The following TOX3 variants were observed in gnomAD, a reference collection of about 807,000 sequenced individuals.
The protein encoded by TOX3 is TOX high mobility group box family member 3.
In TOX3, 22 loss-of-function variants were observed where a neutral mutation model predicts 64.3. The observed-to-expected ratio is 0.34, with a 90% confidence interval of 0.24 to 0.49. TOX3 has a LOEUF of 0.49. Ranked by LOEUF, TOX3 falls within the 20% of genes least tolerant of loss-of-function variation. The pLI, the probability that TOX3 is intolerant of heterozygous loss-of-function variation, is 0.99. For synonymous variants in TOX3, 291 were observed against 273.6 expected (o/e 1.06, Z -0.63); for missense variants, 661 against 714.4 (o/e 0.93, Z 0.85).
At chr16:52,498,908 T>C (rs1961926363) in intron 1 of TOX3, among the ~76,000 whole-genome samples, 1 of 152,194 alleles carries the variant, frequency 6.6e-6, no homozygotes, top group Non-Finnish European at 1.5e-5. Flanking sequence ...GTAGAAATGC[T>C]TTCCATTTCC....
intron 1 of TOX3, among the ~76,000 whole-genome samples, chr16:52,471,018 C>T (rs1200319586): frequency 6.6e-6 from 1 of 152,162 alleles, no homozygotes; most frequent in Non-Finnish European, 1.5e-5. Flanking sequence ...CTTTCTCCTG[C>T]ATAGGTACCT....
At chr16:52,515,156 GA>G in intron 1 of TOX3, among the ~76,000 whole-genome samples, 1 of 139,796 alleles carries the variant, frequency 7.2e-6, no homozygotes, top group Middle Eastern at 4.1e-3. Flanking sequence ...TTAAGCAAAT[GA>G]ATAACTTAAA....
chr16:52,506,037 A>G (rs1962154126), intron 1 of TOX3, among the ~76,000 whole-genome samples: 1 of 152,240 alleles, frequency 6.6e-6, no homozygotes, highest in East Asian at 1.9e-4. Flanking sequence ...TGAAAATTCA[A>G]TGATGAATTT....
rs183745522 is a variant in TOX3 at position 52,439,748 on chromosome 16, A to G, written c.1208T>C (p.Ile403Thr). The stretch of plus-strand genomic sequence containing the variant: ...AATGTTCGAGGGCATGTTGGCTGCA[A>G]TGGTGACTGATGTGACAATCTGGTT... ...PMNQIVTSVTIAANMPSNIGA... is the reference protein window; with the variant it reads ...PMNQIVTSVTTAANMPSNIGA... The change falls in exon 7 of 7, where the codon ATT becomes ACT. Residue 403 changes from isoleucine to threonine, a missense_variant. Transcript: ENST00000219746. The G allele has an allele frequency of 5.2e-5, 84 of 1,613,994 alleles. 1 individual carries two copies. The African/African-American group carries it at 8.9e-4, about 17-fold the overall frequency.
intron 1 of TOX3, among the ~76,000 whole-genome samples, chr16:52,546,065 A>C (rs1289183375): frequency 6.6e-6 from 1 of 152,162 alleles, no homozygotes; most frequent in Non-Finnish European, 1.5e-5. Context: ...CGAGGTCCAA[A>C]GTGCCCTAAC....
chr16:52,470,313 C>G (rs8046780), intron 1 of TOX3, among the ~76,000 whole-genome samples: 1 of 152,086 alleles, frequency 6.6e-6, no homozygotes, highest in Non-Finnish European at 1.5e-5. Context: ...ATGAGTATTC[C>G]GTGCACCAGT....
At chr16:52,484,018 G>C (rs1006339156) in intron 1 of TOX3, among the ~76,000 whole-genome samples, 7 of 152,132 alleles carry the variant, frequency 4.6e-5, no homozygotes, top group African/African-American at 1.7e-4. Context: ...TACTAGCCTT[G>C]AGAAATTGGA....
At chr16:52,518,450 T>C (rs1302790565) in intron 1 of TOX3, among the ~76,000 whole-genome samples, 1 of 152,210 alleles carries the variant, frequency 6.6e-6, no homozygotes, top group East Asian at 1.9e-4. Context: ...GGATACAATA[T>C]GTAAGACCCA....
At chr16:52,492,594 T>TATATATATATATATATATATATATA (rs1596823340) in intron 1 of TOX3, among the ~76,000 whole-genome samples, 2 of 138,146 alleles carry the variant, frequency 1.4e-5, no homozygotes, top group Non-Finnish European at 3.1e-5. Context: ...TATATATATA[T>TATATATATATATATATATATATATA]TCCTTAATTT....
At chr16:52,444,530 CA>C in intron 5 of TOX3, 174 bp from the exon 6 acceptor site, 1 of 445,722 alleles carries the variant, frequency 2.2e-6, no homozygotes, top group Non-Finnish European at 3.9e-6. Context: ...CACACACACA[CA>C]CACGGATATT....
chr16:52,498,056 C>T (rs958365366), intron 1 of TOX3, among the ~76,000 whole-genome samples: 5 of 152,126 alleles, frequency 3.3e-5, no homozygotes, highest in African/African-American at 1.2e-4. Context: ...GAGACATTCA[C>T]CAATTATGTG....
At chr16:52,528,921 AG>A (rs1326268532) in intron 1 of TOX3, among the ~76,000 whole-genome samples, 1 of 152,222 alleles carries the variant, frequency 6.6e-6, no homozygotes, top group Non-Finnish European at 1.5e-5. Context: ...ACTTTCTCAA[AG>A]GACAAATGCC....
At chr16:52,453,060 A>C (rs893653900) in intron 3 of TOX3, among the ~76,000 whole-genome samples, 1 of 152,130 alleles carries the variant, frequency 6.6e-6, no homozygotes, top group Non-Finnish European at 1.5e-5. Context: ...TGAGCTATCT[A>C]TTCAGTCTTC....
intron 1 of TOX3, among the ~76,000 whole-genome samples, chr16:52,531,116 T>A (rs545734879): frequency 6.6e-6 from 1 of 152,106 alleles, no homozygotes; most frequent in African/African-American, 2.4e-5. Flanking sequence ...AAAGCCAGGA[T>A]TGGGGAGGAT....
chr16:52,509,637 C>T (rs996759434), intron 1 of TOX3, among the ~76,000 whole-genome samples: 3 of 152,176 alleles, frequency 2.0e-5, no homozygotes, highest in African/African-American at 7.2e-5. Flanking sequence ...CAATTTCACA[C>T]TTGCCAATCA....
At chr16:52,538,586 C>T (rs1044278175) in intron 1 of TOX3, among the ~76,000 whole-genome samples, 1 of 152,132 alleles carries the variant, frequency 6.6e-6, no homozygotes, top group Non-Finnish European at 1.5e-5. Context: ...TAGAAGGACC[C>T]AGCTTAAAAC....
chr16:52,516,665 T>C (rs1260637620), intron 1 of TOX3, among the ~76,000 whole-genome samples: 5 of 152,234 alleles, frequency 3.3e-5, no homozygotes, highest in East Asian at 3.8e-4. Flanking sequence ...TATCTAAACA[T>C]TTATGTACTT....
intron 3 of TOX3, 75 bp from the exon 4 acceptor site, chr16:52,450,621 C>T: frequency 1.3e-6 from 2 of 1,577,330 alleles, no homozygotes; most frequent in Non-Finnish European, 1.7e-6. Context: ...GTTAGCATCT[C>T]CTTAGATAGG....
chr16:52,532,963 T>C (rs1215932415), intron 1 of TOX3, among the ~76,000 whole-genome samples: 1 of 152,178 alleles, frequency 6.6e-6, no homozygotes, highest in Non-Finnish European at 1.5e-5. Flanking sequence ...TTTGCATGAA[T>C]GATTGAAGTT....
Sources: gnomAD v4.1 joint callset for allele counts (sites outside exome capture counted in the v4.1 genomes callset) on GRCh38, gnomAD v4.1.1 for gene constraint, MANE v1.5 for transcripts, NCBI Gene and HGNC (gene_info 2026-07-23, HGNC 2026-07-21) for gene names.